CGRRF1: variants seen among roughly 807,000 people sequenced by gnomAD.
CGRRF1 encodes the protein cell growth regulator with RING finger domain protein 1.
In CGRRF1, 32 loss-of-function variants were observed where a neutral mutation model predicts 37.2. The ratio of observed to expected loss-of-function variants is 0.86; its 90% CI spans 0.65 to 1.16. The LOEUF is 1.16. Among genes scored for constraint, CGRRF1 ranks in the 50% most tolerant of loss-of-function variants. CGRRF1 has a pLI of 0.00. For synonymous variants in CGRRF1, 141 were observed against 140.3 expected, an observed-to-expected ratio of 1.00 and a Z score of -0.04; for missense variants, 391 against 382.6, an observed-to-expected ratio of 1.02 and a Z score of -0.18.
At chr14:54,514,051 C>A (rs375698399) in intron 1 of CGRRF1, among the ~76,000 whole-genome samples, 66 of 152,208 alleles carry the variant, frequency 4.3e-4, no homozygotes, top group African/African-American at 1.4e-3. Flanking sequence ...AATTAGCCTT[C>A]TCTTGCTTGA....
intron 1 of CGRRF1, among the ~76,000 whole-genome samples, chr14:54,518,562 A>G (rs868162937): frequency 3.5e-4 from 51 of 145,026 alleles, no homozygotes; most frequent in African/African-American, 1.3e-3. Flanking sequence ...AAAAAAAAAA[A>G]GAAAAAAAAA....
intron 1 of CGRRF1, 84 bp downstream of exon 1, chr14:54,510,147 A>C: frequency 9.8e-7 from 1 of 1,017,758 alleles, no homozygotes; most frequent in Non-Finnish European, 1.5e-6. Flanking sequence ...CCGGAGCCGG[A>C]GGGCCGCGGG....
chr14:54,528,725 G>A (rs2032458252), intron 2 of CGRRF1, among the ~76,000 whole-genome samples: 1 of 152,094 alleles, frequency 6.6e-6, no homozygotes, highest in Admixed American at 6.5e-5. Context: ...TCATTCTTGA[G>A]TTAATACCTG....
intron 1 of CGRRF1, among the ~76,000 whole-genome samples, chr14:54,514,227 A>T (rs535007641): frequency 5.3e-5 from 8 of 152,302 alleles, no homozygotes; most frequent in African/African-American, 1.9e-4. Context: ...AAGAATTGCA[A>T]AATTTTGCTA....
chr14:54,532,480 C>T (rs755678334), intron 4 of CGRRF1, among the ~76,000 whole-genome samples: 3 of 151,798 alleles, frequency 2.0e-5, no homozygotes, highest in Non-Finnish European at 2.9e-5. Context: ...GGTGCTCTTG[C>T]CACATGCAAA....
At chr14:54,532,027 AT>A (rs1187896157) in intron 4 of CGRRF1, among the ~76,000 whole-genome samples, 10 of 152,180 alleles carry the variant, frequency 6.6e-5, no homozygotes, top group African/African-American at 2.2e-4. Flanking sequence ...GACAGGGCAA[AT>A]ATTCTCCTTT....
intron 1 of CGRRF1, among the ~76,000 whole-genome samples, chr14:54,515,341 G>A (rs1033377430): frequency 6.6e-6 from 1 of 151,654 alleles, no homozygotes; most frequent in Non-Finnish European, 1.5e-5. Flanking sequence ...ATCTGCCCGC[G>A]ATGACCTCCC....
At chr14:54,528,115 A>G (rs2032444300) in intron 2 of CGRRF1, among the ~76,000 whole-genome samples, 1 of 150,684 alleles carries the variant, frequency 6.6e-6, no homozygotes, top group African/African-American at 2.4e-5. Context: ...TATATATTTA[A>G]TTTTCTCTAC....
At chr14:54,521,129 G>A (rs1322313854) in intron 1 of CGRRF1, among the ~76,000 whole-genome samples, 2 of 152,170 alleles carry the variant, frequency 1.3e-5, no homozygotes, top group Non-Finnish European at 2.9e-5. Flanking sequence ...AAAAGTAGAA[G>A]ATATATAAAT....
At chr14:54,523,652 G>A (rs906386069) in intron 2 of CGRRF1, among the ~76,000 whole-genome samples, 16 of 151,990 alleles carry the variant, frequency 1.1e-4, no homozygotes, top group Non-Finnish European at 1.9e-4. Flanking sequence ...GGATGGGACA[G>A]GTAACAGAGG....
intron 1 of CGRRF1, among the ~76,000 whole-genome samples, chr14:54,515,175 G>A (rs541433312): frequency 7.0e-4 from 101 of 144,106 alleles, no homozygotes; most frequent in African/African-American, 2.5e-3. Flanking sequence ...TGCAACCTCC[G>A]CCTCCTGGAT....
intron 4 of CGRRF1, among the ~76,000 whole-genome samples, chr14:54,534,764 G>A (rs1307783440): frequency 2.6e-5 from 4 of 152,162 alleles, no homozygotes; most frequent in Admixed American, 6.5e-5. Context: ...CACCAGGCTG[G>A]AATATAGTGG....
At chr14:54,511,931 T>C (rs2032136030) in intron 1 of CGRRF1, among the ~76,000 whole-genome samples, 1 of 152,204 alleles carries the variant, frequency 6.6e-6, no homozygotes, top group Admixed American at 6.5e-5. Context: ...ATTCTCTCCA[T>C]CCGAGTTAGT....
intron 1 of CGRRF1, among the ~76,000 whole-genome samples, chr14:54,510,445 G>A (rs746009801): frequency 2.6e-5 from 4 of 152,218 alleles, no homozygotes; most frequent in South Asian, 2.1e-4. Context: ...GGATGAGTTA[G>A]TCACCTGTGC....
In CGRRF1 at chr14:54,538,287, T is replaced by G; in HGVS notation, c.903T>G (p.Tyr301Ter). ...HTCLCDGCVK[Y>*]FQQCPMCRQF... The stretch of plus-strand genomic sequence containing the variant: ...GCCTGTGTGATGGCTGTGTGAAGTA[T>G]TTTCAGCAGTGCCCAATGTGCAGGC... Residue 301 changes from tyrosine (Y) to a stop codon, truncating the protein, a stop_gained, in exon 6 of 6, where the codon TAT becomes TAG. Transcript: ENST00000216420. LOFTEE classifies it high-confidence loss of function. The G allele has an allele frequency of 6.2e-7, 1 of 1,614,184 alleles. No homozygotes were observed. The highest frequency in any genetic ancestry group is 1.3e-5 in the African/African-American group (1 of 75,054).
intron 1 of CGRRF1, 112 bp from the exon 2 acceptor site, chr14:54,522,341 CT>C: frequency 1.4e-6 from 1 of 725,604 alleles, no homozygotes; most frequent in Non-Finnish European, 2.1e-6. Flanking sequence ...AATTTAACCT[CT>C]TTCTGACACT....
chr14:54,524,386 T>TA lies in CGRRF1; in HGVS notation c.244+1793_244+1794insA, dbSNP rs201064392. 3.4e-3 allele frequency among the ~76,000 whole-genome samples: 438 copies of TA among 128,360 alleles called. 4 individuals carry two copies. Among genetic ancestry groups the TA allele is most frequent in the African/African-American group, 0.013 (390 of 30,494 alleles). The allele number at this position is 128,360 out of a possible 152,430, so 84.2% of individuals were successfully genotyped here. Reference sequence around the variant, plus strand: ...CTTGATTTGTAAGGAAAAATATATGTTTTTTTTTTTTTTTTTCGAGACAGG... The same window carrying TA: ...CTTGATTTGTAAGGAAAAATATATGTATTTTTTTTTTTTTTTTCGAGACAGG... On this transcript the variant is annotated intron_variant, in intron 2 of 5. Coordinates refer to ENST00000216420, the MANE Select transcript of CGRRF1 (RefSeq NM_006568.3).
chr14:54,520,807 G>A (rs2032304361), intron 1 of CGRRF1, among the ~76,000 whole-genome samples: 2 of 152,206 alleles, frequency 1.3e-5, no homozygotes, highest in African/African-American at 4.8e-5. Flanking sequence ...CATTTCAGCG[G>A]AGTCTTTCTT....
chr14:54,538,009 T>A (rs2032626755), intron 5 of CGRRF1, 54 bp from the exon 6 acceptor site: 6 of 1,460,878 alleles, frequency 4.1e-6, no homozygotes, highest in Middle Eastern at 2.3e-4. Context: ...CCCCCAATTT[T>A]AAAGAGTAAT....
Sources: gnomAD v4.1 joint callset for allele counts (sites outside exome capture counted in the v4.1 genomes callset) on GRCh38, gnomAD v4.1.1 for gene constraint, MANE v1.5 for transcripts, NCBI Gene and HGNC (gene_info 2026-07-23, HGNC 2026-07-21) for gene names.